The following SEC24C variants were observed in gnomAD, a reference collection of about 807,000 sequenced individuals.
SEC24C encodes the protein protein transport protein Sec24C.
A neutral mutation model predicts 117.0 loss-of-function variants in SEC24C; 22 were observed. That is an observed-to-expected ratio of 0.19 (90% CI 0.13 to 0.27). The LOEUF (loss-of-function observed/expected upper bound fraction) is 0.27, where lower values mean the gene tolerates loss of function less well. Ranked by LOEUF, SEC24C falls within the 10% of genes least tolerant of loss-of-function variation. The pLI is 1.00. For missense variants in SEC24C, 1,155 were observed against 1,375.1 expected (o/e 0.84, Z 2.53); for synonymous variants, 506 against 529.4 (o/e 0.96, Z 0.61).
In SEC24C at chr10:73,769,816, T is replaced by C. The variant is rs910539772; in HGVS notation, c.2683-20T>C. 6.2e-7 allele frequency: 1 copy of C among 1,613,108 alleles called. No homozygotes were observed. The highest frequency in any genetic ancestry group is 2.2e-5 in the East Asian group (1 of 44,872). On this transcript the variant is annotated intron_variant, in intron 19 of 22. Transcript: ENST00000345254. The surrounding 1 kb of genome is among the most constrained non-coding windows in gnomAD (Gnocchi z 4.5). ...AGGGATTTCTCATGATCATTGACTT[T>C]ATTTTGATAATCCCCTCAGTTGATC... is the stretch of plus-strand genomic sequence containing the variant.
intron 6 of SEC24C, among the ~76,000 whole-genome samples, chr10:73,762,587 G>C (rs990028894): frequency 6.6e-6 from 1 of 152,210 alleles, no homozygotes; most frequent in Non-Finnish European, 1.5e-5. Context: ...CAGATTCATA[G>C]TATCCCAAAC....
intron 3 of SEC24C, chr10:73,752,095 C>T (rs2082649366): frequency 6.6e-6 from 1 of 152,124 alleles, no homozygotes; most frequent in African/African-American, 2.4e-5. Flanking sequence ...GGAGGGCAGT[C>T]ATCTCTATTA....
At chr10:73,756,823 A>G (rs755202245) in intron 3 of SEC24C, among the ~76,000 whole-genome samples, 9 of 151,044 alleles carry the variant, frequency 6.0e-5, no homozygotes, top group Non-Finnish European at 1.0e-4. Flanking sequence ...CTGGTCTTGA[A>G]CTGACCTCAA....
At chr10:73,767,743 G>T (rs1225409658) in intron 14 of SEC24C, 94 bp from the exon 15 acceptor site, 4 of 968,314 alleles carry the variant, frequency 4.1e-6, no homozygotes, top group Non-Finnish European at 5.9e-6. Context: ...AGTCTTCCAT[G>T]AATTTGAATA....
In SEC24C at chr10:73,760,867, T is replaced by C; in HGVS notation, c.987+18T>C. 2 of 1,601,756 alleles carry C rather than the reference T, an allele frequency of 1.2e-6. No individual in the cohort carries two copies. On this transcript the variant is annotated intron_variant, in intron 6 of 22. Coordinates refer to ENST00000345254, the MANE Select transcript of SEC24C (RefSeq NM_198597.3). ...CAAGCCCTGTAAGTAGAAACTTTCA[T>C]GGTCCTGAGGAAGGGTTTGTGTCTG...
In SEC24C at chr10:73,766,824, G is replaced by A; in HGVS notation, c.1864G>A (p.Val622Ile). 2 of 1,614,166 alleles carry A rather than the reference G, an allele frequency of 1.2e-6. No homozygotes were observed. The highest frequency in any genetic ancestry group is 1.7e-6 in the Non-Finnish European group (2 of 1,180,012). Residue 622 changes from valine (V) to isoleucine (I), a missense_variant, in exon 13 of 23, where the codon GTT (valine) becomes ATT (isoleucine). Val to Ile is a conservative substitution (Grantham distance 29). Transcript: ENST00000345254. The stretch of plus-strand genomic sequence containing the variant: ...GGAAACAGAGACAGTATTTGTACCA[G>A]TTATCCAGGCTGGAATGGAGGCTCT... ...TRETETVFVP[V>I]IQAGMEALKA...
At position 73,770,763 on chromosome 10, in the gene SEC24C, G is replaced by C. The variant is rs1346650327; in HGVS notation, c.3109G>C (p.Asp1037His). 1.2e-6 allele frequency: 2 copies of C among 1,614,192 alleles called. No individual in the cohort carries two copies. Among genetic ancestry groups the C allele is most frequent in the South Asian group, 1.1e-5 (1 of 91,088 alleles). Residue 1037 changes from aspartate (D) to histidine (H), a missense_variant, in exon 22 of 23, where the codon GAT (aspartate) becomes CAT (histidine). Asp to His is a moderately conservative substitution (Grantham distance 81). This residue lies in a region of SEC24C where 759 missense variants were observed against 992.3 expected (regional missense o/e 0.76). Transcript: ENST00000345254. ...PLSKKVRGLI[D>H]SLRAQRSRYM... Reference sequence around the variant, plus strand: ...GTCCAAGAAGGTTCGAGGCCTCATTGATAGCTTACGGGCACAGAGATCCCG... The same window carrying C: ...GTCCAAGAAGGTTCGAGGCCTCATTCATAGCTTACGGGCACAGAGATCCCG...
intron 2 of SEC24C, among the ~76,000 whole-genome samples, chr10:73,750,649 G>C (rs1488019341): frequency 6.6e-6 from 1 of 152,240 alleles, no homozygotes; most frequent in Non-Finnish European, 1.5e-5. Flanking sequence ...GAAGGTGGCA[G>C]AATAATCTCC....
At position 73,767,041 on chromosome 10, in the gene SEC24C, TC is replaced by T. The variant is rs1565047317; in HGVS notation, c.1894-12del. On this transcript the variant is annotated splice_polypyrimidine_tract_variant and intron_variant, in intron 13 of 22. Transcript: ENST00000345254. The stretch of plus-strand genomic sequence containing the variant: ...AATAAAGAATAAACAAGTAGTCCTC[TC>T]TTTTTTCCTAGGCTGCTGAGTGTGC... 3.8e-6 allele frequency: 6 copies of T among 1,596,756 alleles called. No homozygotes were observed. Among genetic ancestry groups the T allele is most frequent in the East Asian group, 4.5e-5 (2 of 44,796 alleles).
intron 11 of SEC24C, 35 bp downstream of exon 11, chr10:73,766,245 T>G (rs1230404815): frequency 6.3e-7 from 1 of 1,598,338 alleles, no homozygotes; most frequent in South Asian, 1.1e-5. Flanking sequence ...TTCCTGAGGT[T>G]AATGATAGGG....
chr10:73,755,253 A>T (rs1008380498), intron 3 of SEC24C, among the ~76,000 whole-genome samples: 3 of 152,188 alleles, frequency 2.0e-5, no homozygotes, highest in Admixed American at 6.5e-5. Flanking sequence ...GTGAGAGAGT[A>T]ATCAGTTGTG....
intron 13 of SEC24C, 39 bp from the exon 14 acceptor site, chr10:73,767,015 G>T: frequency 7.2e-6 from 11 of 1,519,330 alleles, no homozygotes; most frequent in Non-Finnish European, 1.0e-5. Context: ...AGAGATGGAT[G>T]AATAAAGAAT....
At chr10:73,749,735 G>A (rs1218149431) in intron 2 of SEC24C, among the ~76,000 whole-genome samples, 1 of 151,874 alleles carries the variant, frequency 6.6e-6, no homozygotes, top group African/African-American at 2.4e-5. Context: ...GTAGAGACAG[G>A]GTTTCACCAT....
chr10:73,746,948 T>C lies in SEC24C; in HGVS notation c.116T>C (p.Ile39Thr), dbSNP rs2132513563. 1 of 1,614,118 alleles carries C rather than the reference T, an allele frequency of 6.2e-7. No individual in the cohort carries two copies. Among genetic ancestry groups the C allele is most frequent in the East Asian group, 2.2e-5 (1 of 44,882 alleles). ...GGQSGSTAPA[I>T]PYGAYNGPVP... ...CAATCAGGGTCCACAGCCCCCGCCATTCCCTATGGAGCCTACAATGGCCCA... is the reference window on the plus strand; with the variant it reads ...CAATCAGGGTCCACAGCCCCCGCCACTCCCTATGGAGCCTACAATGGCCCA... Residue 39 changes from isoleucine to threonine, a missense_variant, in exon 2 of 23, where the codon ATT becomes ACT. Ile to Thr is a moderately conservative substitution (Grantham distance 89). This residue lies in a region of SEC24C where 396 missense variants were observed against 382.8 expected (regional missense o/e 1.03). Coordinates refer to ENST00000345254, the MANE Select transcript of SEC24C (RefSeq NM_198597.3).
chr10:73,764,665 G>A (rs1368263354), intron 8 of SEC24C, among the ~76,000 whole-genome samples: 1 of 152,178 alleles, frequency 6.6e-6, no homozygotes, highest in African/African-American at 2.4e-5. Flanking sequence ...GTCATCCCAG[G>A]TTAGTGCTGT....
At chr10:73,747,468 C>T (rs980793060) in intron 2 of SEC24C, among the ~76,000 whole-genome samples, 4 of 151,700 alleles carry the variant, frequency 2.6e-5, no homozygotes, top group Non-Finnish European at 5.9e-5. Flanking sequence ...TTCTCTGCCT[C>T]AGCCTCCTGA....
At chr10:73,765,746 A>C in intron 9 of SEC24C, 54 bp from the exon 10 acceptor site, 1 of 1,577,846 alleles carries the variant, frequency 6.3e-7, no homozygotes, top group South Asian at 1.1e-5. Flanking sequence ...CTAGGGCCAG[A>C]ATACTAAGAT....
At chr10:73,757,216 AT>A (rs1231791526) in intron 3 of SEC24C, among the ~76,000 whole-genome samples, 691 of 133,358 alleles carry the variant, frequency 5.2e-3, no homozygotes, top group African/African-American at 0.015. Flanking sequence ...ACCTGGCCTA[AT>A]TTTTTTTTTT....
chr10:73,756,961 A>C (rs1354841236), intron 3 of SEC24C, among the ~76,000 whole-genome samples: 1 of 118,096 alleles, frequency 8.5e-6, no homozygotes, highest in Admixed American at 1.2e-4. Flanking sequence ...CCCAGGCTGG[A>C]GTGAAGTGGT....
Sources: gnomAD v4.1 joint callset for allele counts (sites outside exome capture counted in the v4.1 genomes callset) on GRCh38, gnomAD v4.1.1 for gene constraint, gnomAD v4.1.1 regional missense constraint, Gnocchi (gnomAD v3.1) non-coding constraint, MANE v1.5 for transcripts, NCBI Gene and HGNC (gene_info 2026-07-23, HGNC 2026-07-21) for gene names.